USH2A: variants seen among roughly 807,000 people sequenced by gnomAD.
USH2A encodes the protein Usher syndrome 2A (autosomal recessive, mild).
Under a neutral mutation model 538.9 loss-of-function variants are expected in USH2A, and 443 were observed. The ratio of observed to expected loss-of-function variants is 0.82; its 90% CI spans 0.76 to 0.89. USH2A has a LOEUF of 0.89. Ranked by LOEUF, USH2A falls within the 40% of genes least tolerant of loss-of-function variation. USH2A has a pLI of 0.00. For synonymous variants in USH2A, 2,413 were observed against 2,273.5 expected (o/e 1.06, Z -1.75); for missense variants, 6,633 against 6,324.8 (o/e 1.05, Z -1.65).
At chr1:216,099,554 G>A (rs1402409155) in intron 21 of USH2A, among the ~76,000 whole-genome samples, 1 of 152,178 alleles carries the variant, frequency 6.6e-6, no homozygotes, top group Non-Finnish European at 1.5e-5. Flanking sequence ...ATGATGAAAT[G>A]TAGGGAGGAG....
intron 29 of USH2A, among the ~76,000 whole-genome samples, chr1:216,071,804 A>G (rs1396542312): frequency 6.6e-6 from 1 of 152,298 alleles, no homozygotes; most frequent in East Asian, 1.9e-4. Flanking sequence ...ACAAGTGAGT[A>G]TTTTATATTG....
intron 58 of USH2A, among the ~76,000 whole-genome samples, chr1:215,748,143 G>A (rs887213021): frequency 1.3e-5 from 2 of 152,028 alleles, no homozygotes; most frequent in African/African-American, 2.4e-5. Context: ...CACCCGCCTC[G>A]GCCTCCCAAG....
At chr1:215,830,149 G>A (rs994638567) in intron 47 of USH2A, among the ~76,000 whole-genome samples, 1 of 152,160 alleles carries the variant, frequency 6.6e-6, no homozygotes, top group Non-Finnish European at 1.5e-5. Context: ...CCCAAGGGCA[G>A]TATCAGTGTG....
intron 37 of USH2A, among the ~76,000 whole-genome samples, chr1:215,940,658 T>C (rs1197299983): frequency 6.6e-6 from 1 of 152,110 alleles, no homozygotes; most frequent in Non-Finnish European, 1.5e-5. Flanking sequence ...CAGGATATTT[T>C]GAAAGAGAAA....
chr1:216,393,035 T>C (rs2039137679), intron 3 of USH2A, among the ~76,000 whole-genome samples: 1 of 152,196 alleles, frequency 6.6e-6, no homozygotes, highest in South Asian at 2.1e-4. Flanking sequence ...ATAGTAGATA[T>C]CTATTGTCTT....
Position 216,321,890 on chromosome 1 carries a change from C to G in USH2A, c.1637G>C (p.Gly546Ala), listed in dbSNP as rs267598378. 6.2e-7 allele frequency: 1 copy of G among 1,613,646 alleles called. No homozygotes were observed. Among genetic ancestry groups the G allele is most frequent in the Admixed American group, 1.7e-5 (1 of 59,992 alleles). The stretch of plus-strand genomic sequence containing the variant: ...GCATAAAATAGAACTCACATGAAGT[C>G]CTTCAGTGAAGCTCTCCTGGGAGCA... ...CLCSQESFTE[G>A]LHCDRCLPLY... is the part of the protein sequence containing the mutation. Residue 546 changes from glycine to alanine, a missense_variant, in exon 9 of 72, where the codon GGA becomes GCA. Coordinates refer to ENST00000307340, the MANE Select transcript of USH2A (RefSeq NM_206933.4).
intron 63 of USH2A, 140 bp downstream of exon 63, chr1:215,673,960 A>C: frequency 6.9e-7 from 1 of 1,439,564 alleles, no homozygotes; most frequent in Non-Finnish European, 9.6e-7. Flanking sequence ...TGCTTTGTCT[A>C]CTATGCACGT....
chr1:216,404,044 C>T (rs1462818085), intron 3 of USH2A, among the ~76,000 whole-genome samples: 2 of 152,126 alleles, frequency 1.3e-5, no homozygotes, highest in Non-Finnish European at 2.9e-5. Flanking sequence ...TCAATTAAAC[C>T]TCTTTTCTTT....
At chr1:215,805,830 C>A (rs933718044) in intron 49 of USH2A, among the ~76,000 whole-genome samples, 2 of 149,064 alleles carry the variant, frequency 1.3e-5, no homozygotes, top group Non-Finnish European at 2.9e-5. Flanking sequence ...AAAATTCAGA[C>A]CACATTAACA....
intron 61 of USH2A, among the ~76,000 whole-genome samples, chr1:215,689,217 T>C (rs1323516532): frequency 6.6e-6 from 1 of 152,148 alleles, no homozygotes; most frequent in Admixed American, 6.5e-5. Context: ...AACTATAGTT[T>C]TGGGAAGAGA....
intron 44 of USH2A, among the ~76,000 whole-genome samples, chr1:215,864,784 C>T (rs1209161677): frequency 6.6e-6 from 1 of 152,114 alleles, no homozygotes; most frequent in East Asian, 1.9e-4. Context: ...TTTTATCTCA[C>T]ATATCATGTA....
chr1:216,378,781 CT>C (rs1178944363), intron 3 of USH2A, among the ~76,000 whole-genome samples: 40 of 152,122 alleles, frequency 2.6e-4, no homozygotes, highest in African/African-American at 9.2e-4. Context: ...GTCTCAACAT[CT>C]ACTAATAGAA....
intron 24 of USH2A, among the ~76,000 whole-genome samples, chr1:216,086,029 C>G (rs1338674057): frequency 6.6e-6 from 1 of 152,058 alleles, no homozygotes; most frequent in African/African-American, 2.4e-5. Flanking sequence ...CCCTGTGATT[C>G]TTAATGAGGA....
chr1:216,078,352 T>C lies in USH2A; in HGVS notation c.5309A>G (p.Lys1770Arg), dbSNP rs1216694737. 6.2e-7 allele frequency: 1 copy of C among 1,613,510 alleles called. No individual in the cohort carries two copies. The highest frequency in any genetic ancestry group is 8.5e-7 in the Non-Finnish European group (1 of 1,179,574). The change falls in exon 27 of 72, where the codon AAA (lysine) becomes AGA (arginine). Residue 1770 changes from lysine to arginine, a missense_variant. By Grantham distance (26) the Lys-to-Arg change is conservative. Coordinates refer to ENST00000307340, the MANE Select transcript of USH2A (RefSeq NM_206933.4). Reference protein sequence around the residue: ...DGPDFLAMELKSGILTFRLNT... With the variant: ...DGPDFLAMELRSGILTFRLNT... Reference sequence around the variant, plus strand: ...TAACCGGAAGGTCAATATTCCACTTTTCAGCTCCATCTGTATTTTATATTA... The same window carrying C: ...TAACCGGAAGGTCAATATTCCACTTCTCAGCTCCATCTGTATTTTATATTA...
chr1:216,073,322 G>A, intron 27 of USH2A, 22 bp from the exon 28 acceptor site: 1 of 1,539,856 alleles, frequency 6.5e-7, no homozygotes, highest in African/African-American at 1.9e-5. Flanking sequence ...TAAGGGATTA[G>A]TATCGCATAA....
intron 4 of USH2A, among the ~76,000 whole-genome samples, chr1:216,337,838 A>G (rs1420746515): frequency 6.6e-6 from 1 of 151,434 alleles, no homozygotes. Flanking sequence ...AGAATGATAT[A>G]TAACAATTTA....
chr1:215,652,293 G>A (rs916409131), intron 64 of USH2A, among the ~76,000 whole-genome samples: 7 of 152,254 alleles, frequency 4.6e-5, no homozygotes. Context: ...CTGTTTCAAT[G>A]AGCAGGGTTT....
intron 3 of USH2A, among the ~76,000 whole-genome samples, chr1:216,373,704 C>T (rs1248398924): frequency 6.6e-6 from 1 of 152,024 alleles, no homozygotes; most frequent in Non-Finnish European, 1.5e-5. Context: ...TTGTCAATGA[C>T]CCCAAAAAGT....
intron 38 of USH2A, among the ~76,000 whole-genome samples, chr1:215,920,276 C>T (rs1284238192): frequency 1.3e-5 from 2 of 152,040 alleles, no homozygotes; most frequent in Admixed American, 6.6e-5. Context: ...ACTAGTCAGG[C>T]GATATCTCCC....
Sources: gnomAD v4.1 joint callset for allele counts (sites outside exome capture counted in the v4.1 genomes callset) on GRCh38, gnomAD v4.1.1 for gene constraint, MANE v1.5 for transcripts, NCBI Gene and HGNC (gene_info 2026-07-23, HGNC 2026-07-21) for gene names.